Variants in NBEA observed in about 807,000 individuals in gnomAD.
The protein encoded by NBEA is neurobeachin.
A neutral mutation model predicts 343.4 loss-of-function variants in NBEA; 44 were observed. That is an observed-to-expected ratio of 0.13 (90% confidence interval 0.10 to 0.16). The LOEUF is 0.16. Among genes scored for constraint, NBEA ranks in the 10% least tolerant of loss-of-function variants. NBEA has a pLI of 1.00. For missense variants in NBEA, 2,555 were observed against 3,631.3 expected, an observed-to-expected ratio of 0.70 and a Z score of 7.62; for synonymous variants, 1,175 against 1,238.7, an observed-to-expected ratio of 0.95 and a Z score of 1.08.
intron 4 of NBEA, 121 bp downstream of exon 4, chr13:35,045,522 G>C: frequency 1.4e-6 from 1 of 731,012 alleles, no homozygotes; most frequent in Non-Finnish European, 2.2e-6. Context: ...GAGTTTGGAA[G>C]TCATACAACC....
At chr13:35,464,625 T>A (rs576260577) in intron 40 of NBEA, among the ~76,000 whole-genome samples, 1 of 152,158 alleles carries the variant, frequency 6.6e-6, no homozygotes, top group Non-Finnish European at 1.5e-5. Context: ...TATCTCTCAT[T>A]TACTAGTTGT....
chr13:35,231,012 G>A lies in NBEA; in HGVS notation c.5649-1480G>A, dbSNP rs556857640. On this transcript the variant is annotated intron_variant, in intron 33 of 58. Coordinates refer to ENST00000379939, the MANE Select transcript of NBEA (RefSeq NM_001385012.1). Reference sequence around the variant, plus strand: ...CTTGCTTTAGGAATTACAGAGTAGGGGAGACTATTGAAATCTCTTAATTTC... The same window carrying A: ...CTTGCTTTAGGAATTACAGAGTAGGAGAGACTATTGAAATCTCTTAATTTC... 1.8e-3 allele frequency among the ~76,000 whole-genome samples: 278 copies of A among 152,110 alleles called. 1 individual carries two copies. The highest frequency in any genetic ancestry group is 6.5e-3 in the African/African-American group (269 of 41,526).
chr13:35,068,172 T>C (rs1236084274), intron 8 of NBEA, among the ~76,000 whole-genome samples: 5 of 152,160 alleles, frequency 3.3e-5, no homozygotes, highest in Admixed American at 2.0e-4. Flanking sequence ...ACCTAAAACT[T>C]GTAGATTTAT....
At chr13:35,249,793 G>A (rs2031734321) in intron 34 of NBEA, among the ~76,000 whole-genome samples, 1 of 152,172 alleles carries the variant, frequency 6.6e-6, no homozygotes, top group South Asian at 2.1e-4. Context: ...TATAGCAGCA[G>A]TATTAACAAA....
chr13:35,353,857 T>A (rs1189356791), intron 38 of NBEA, among the ~76,000 whole-genome samples: 1 of 152,194 alleles, frequency 6.6e-6, no homozygotes, highest in Admixed American at 6.5e-5. Context: ...ATATTTATAT[T>A]CATTAACTAA....
At chr13:35,128,501 C>T (rs781117051) in intron 17 of NBEA, among the ~76,000 whole-genome samples, 6 of 152,054 alleles carry the variant, frequency 3.9e-5, no homozygotes, top group African/African-American at 9.7e-5. Flanking sequence ...ACTTGTGGGT[C>T]GGTGTGTAGG....
intron 41 of NBEA, among the ~76,000 whole-genome samples, chr13:35,480,420 GA>G (rs1447421350): frequency 6.6e-6 from 1 of 151,976 alleles, no homozygotes; most frequent in African/African-American, 2.4e-5. Context: ...CTTTCATCTG[GA>G]AAAAAGGTAT....
intron 41 of NBEA, chr13:35,476,121 G>GGCCT (rs756481523): frequency 6.2e-7 from 1 of 1,614,140 alleles, no homozygotes; most frequent in Non-Finnish European, 8.5e-7. Context: ...AGACCAGCTT[G>GGCCT]GCCTGGGCCG....
chr13:35,380,510 C>T (rs952808148), intron 38 of NBEA, among the ~76,000 whole-genome samples: 15 of 151,958 alleles, frequency 9.9e-5, no homozygotes, highest in African/African-American at 3.6e-4. Context: ...ACAGATATTT[C>T]ATCAGATTTA....
intron 38 of NBEA, among the ~76,000 whole-genome samples, chr13:35,421,119 G>T (rs1052322161): frequency 6.6e-5 from 10 of 151,706 alleles, no homozygotes; most frequent in African/African-American, 2.2e-4. Context: ...TATGCATTTA[G>T]TACTATAGAT....
rs896011825 is a variant in NBEA, at chr13:35,175,654, C to T, written c.4555-1342C>T. Among the ~76,000 whole-genome samples, 4 of 151,938 alleles carry T rather than the reference C, an allele frequency of 2.6e-5. 1 individual carries two copies. Among genetic ancestry groups the T allele is most frequent in the Non-Finnish European group, 4.4e-5 (3 of 67,978 alleles). On this transcript the variant is annotated intron_variant, in intron 27 of 58. Transcript: ENST00000379939. ...TTGGCAGTGAAAAATGGGTAAGTAG[C>T]GATGAATGTAAAAATACTAGGGGAA...
In NBEA at chr13:35,315,352, G is replaced by A. The variant is rs182677131; in HGVS notation, c.5903+5760G>A. ...TGAATTAAAGTACTCCCTGGGACCG[G>A]CTGAAATTATACACTGGATCATTTA... On this transcript the variant is annotated intron_variant, in intron 36 of 58. Transcript: ENST00000379939. Among the ~76,000 whole-genome samples the A allele has an allele frequency of 7.0e-4, 106 of 152,232 alleles. 1 individual carries two copies. Among genetic ancestry groups the A allele is most frequent in the Admixed American group, 2.4e-3 (36 of 15,282 alleles).
intron 40 of NBEA, among the ~76,000 whole-genome samples, chr13:35,465,201 T>G (rs2047105432): frequency 6.6e-6 from 1 of 152,102 alleles, no homozygotes; most frequent in South Asian, 2.1e-4. Flanking sequence ...ATATATTAAT[T>G]TAAGTGGGCT....
At chr13:35,105,232 A>G (rs1210719206) in intron 11 of NBEA, among the ~76,000 whole-genome samples, 2 of 151,982 alleles carry the variant, frequency 1.3e-5, no homozygotes, top group East Asian at 1.9e-4. Context: ...CTGTCCTTTA[A>G]TTTCTTGCTA....
At chr13:35,483,019 A>G (rs1330688676) in intron 41 of NBEA, among the ~76,000 whole-genome samples, 1 of 151,930 alleles carries the variant, frequency 6.6e-6, no homozygotes, top group East Asian at 1.9e-4. Flanking sequence ...CTATTTTGTC[A>G]TGCTTCTAAT....
Position 34,995,390 on chromosome 13 carries a change from C to T in NBEA, c.295-45543C>T, listed in dbSNP as rs1477802108. Reference sequence around the variant, plus strand: ...GAGCTGAGATTGTGCCACTGCACTCCAGCCTGGGTGACAGAGAGAGACCCT... The same window carrying T: ...GAGCTGAGATTGTGCCACTGCACTCTAGCCTGGGTGACAGAGAGAGACCCT... On this transcript the variant is annotated intron_variant, in intron 1 of 58. Coordinates refer to ENST00000379939, the MANE Select transcript of NBEA (RefSeq NM_001385012.1). 2.0e-5 allele frequency among the ~76,000 whole-genome samples: 3 copies of T among 147,994 alleles called. No individual in the cohort carries two copies. In the East Asian group the frequency reaches 5.9e-4, roughly 29 times the overall value.
At chr13:35,324,774 G>T (rs2031943) in intron 36 of NBEA, among the ~76,000 whole-genome samples, 22,842 of 152,004 alleles carry the variant, frequency 0.15, 1,881 homozygotes, top group East Asian at 0.22. Flanking sequence ...AAAATGTCAG[G>T]GACTTTAGAA....
intron 41 of NBEA, among the ~76,000 whole-genome samples, chr13:35,497,849 A>G (rs79351070): frequency 0.018 from 2,811 of 152,148 alleles, 80 homozygotes; most frequent in African/African-American, 0.062. Context: ...AAGAGAGTCT[A>G]TTTAGAATAA....
intron 41 of NBEA, among the ~76,000 whole-genome samples, chr13:35,548,215 A>G (rs1185018368): frequency 6.6e-6 from 1 of 152,192 alleles, no homozygotes; most frequent in Non-Finnish European, 1.5e-5. Context: ...ATTAAGGGTG[A>G]ATTTGCACAT....
Sources: allele counts gnomAD v4.1 joint callset (sites outside exome capture counted in the v4.1 genomes callset), GRCh38; gene constraint gnomAD v4.1.1; transcripts MANE v1.5; gene names NCBI Gene and HGNC (gene_info 2026-07-23, HGNC 2026-07-21).